SFI1: variants seen among roughly 807,000 people sequenced by gnomAD.
SFI1 encodes protein SFI1 homolog.
Under a neutral mutation model 207.5 loss-of-function variants are expected in SFI1, and 195 were observed. The observed-to-expected ratio is 0.94, with a 90% CI of 0.84 to 1.06. SFI1 has a LOEUF of 1.06. SFI1 is among the 50% of genes least tolerant of loss of function. SFI1 has a pLI of 0.00. For missense variants in SFI1, 1,634 were observed against 1,588.0 expected, an observed-to-expected ratio of 1.03 and a Z score of -0.49; for synonymous variants, 630 against 598.9, an observed-to-expected ratio of 1.05 and a Z score of -0.76.
chr22:31,596,749 ACT>A (rs1205727664), intron 15 of SFI1, among the ~76,000 whole-genome samples: 5 of 142,548 alleles, frequency 3.5e-5, no homozygotes, highest in African/African-American at 1.3e-4. Flanking sequence ...GCACCACTGC[ACT>A]CCAGCCTAGG....
At chr22:31,604,787 T>A in intron 19 of SFI1, 82 bp from the exon 20 acceptor site, 1 of 1,282,678 alleles carries the variant, frequency 7.8e-7, no homozygotes. Flanking sequence ...GGCAGCCTTG[T>A]GGTAGATGCA....
At chr22:31,507,680 G>T (rs2054846054) in intron 1 of SFI1, among the ~76,000 whole-genome samples, 1 of 151,998 alleles carries the variant, frequency 6.6e-6, no homozygotes, top group African/African-American at 2.4e-5. Context: ...TAAGAAGTGG[G>T]CAAACAACAT....
At chr22:31,607,775 C>T in intron 21 of SFI1, 162 bp from the exon 22 acceptor site, 1 of 581,536 alleles carries the variant, frequency 1.7e-6, no homozygotes, top group Non-Finnish European at 3.1e-6. Context: ...TGTCCTATTG[C>T]TCAGTGGTCT....
chr22:31,612,450 C>T (rs1333213255), intron 24 of SFI1: 5 of 142,086 alleles, frequency 3.5e-5, no homozygotes. Context: ...GGCATGATGG[C>T]TCACGCCTAT....
chr22:31,514,140 CAAAAAAAA>C (rs113946302), intron 2 of SFI1, among the ~76,000 whole-genome samples: 23 of 82,728 alleles, frequency 2.8e-4, no homozygotes, highest in African/African-American at 8.8e-4. Flanking sequence ...AACTCCATCT[CAAAAAAAA>C]AAAAAAAAAA....
intron 2 of SFI1, among the ~76,000 whole-genome samples, chr22:31,523,209 C>G (rs2057486344): frequency 6.6e-6 from 1 of 152,152 alleles, no homozygotes. Flanking sequence ...TTATTTTCTC[C>G]TTCACATTCC....
intron 21 of SFI1, chr22:31,606,717 G>A (rs1325143624): frequency 8.9e-6 from 1 of 112,290 alleles, no homozygotes; most frequent in African/African-American, 8.7e-5. Context: ...TTTTTTTTTT[G>A]AGACAGTCTC....
chr22:31,502,274 A>G (rs1449319078), intron 1 of SFI1, among the ~76,000 whole-genome samples: 1 of 152,162 alleles, frequency 6.6e-6, no homozygotes, highest in African/African-American at 2.4e-5. Flanking sequence ...CTCCTTATAC[A>G]TCATTTTGCT....
chr22:31,616,487 A>T (rs149183346), intron 29 of SFI1: 67 of 417,698 alleles, frequency 1.6e-4, no homozygotes, highest in African/African-American at 1.3e-3. Context: ...CAGGCAGTGG[A>T]GGCGTGAGGC....
At chr22:31,540,836 C>G (rs2059416155) in intron 4 of SFI1, among the ~76,000 whole-genome samples, 4 of 152,136 alleles carry the variant, frequency 2.6e-5, no homozygotes, top group Admixed American at 2.6e-4. Flanking sequence ...ACCTTGGCCT[C>G]CCAAAGTGCT....
intron 2 of SFI1, among the ~76,000 whole-genome samples, chr22:31,518,367 A>G (rs2056800955): frequency 6.6e-6 from 1 of 152,142 alleles, no homozygotes; most frequent in Non-Finnish European, 1.5e-5. Flanking sequence ...TCTGTATTGT[A>G]CTGAGTTCTC....
chr22:31,578,671 CAGAG>C (rs2063773080), intron 11 of SFI1, among the ~76,000 whole-genome samples: 1 of 152,170 alleles, frequency 6.6e-6, no homozygotes, highest in Non-Finnish European at 1.5e-5. Flanking sequence ...AAAGGAACCT[CAGAG>C]ATTATTTAGT....
intron 4 of SFI1, among the ~76,000 whole-genome samples, chr22:31,541,907 C>T (rs2059540512): frequency 6.6e-6 from 1 of 151,514 alleles, no homozygotes; most frequent in Non-Finnish European, 1.5e-5. Context: ...TCAAGACCAT[C>T]CTGGCTAACA....
chr22:31,576,663 G>C (rs2145959864), intron 10 of SFI1, among the ~76,000 whole-genome samples: 1 of 149,624 alleles, frequency 6.7e-6, no homozygotes, highest in East Asian at 2.0e-4. Context: ...TTTTGAGATG[G>C]AGTTTCGCTC....
At chr22:31,594,066 C>T (rs1569422183) in intron 15 of SFI1, among the ~76,000 whole-genome samples, 1 of 151,836 alleles carries the variant, frequency 6.6e-6, no homozygotes. Flanking sequence ...TCAAAACAGC[C>T]TGTTTGTAAC....
chr22:31,549,952 CAG>C (rs1555991556), intron 5 of SFI1, among the ~76,000 whole-genome samples: 1 of 151,530 alleles, frequency 6.6e-6, no homozygotes, highest in African/African-American at 2.4e-5. Flanking sequence ...TTTCTTGAGA[CAG>C]AGTCTTGCTC....
intron 1 of SFI1, among the ~76,000 whole-genome samples, chr22:31,505,473 A>T (rs1174320793): frequency 2.0e-5 from 3 of 151,220 alleles, no homozygotes; most frequent in African/African-American, 7.3e-5. Context: ...AATGAAAACT[A>T]GGCAAGGTGC....
Position 31,561,514 on chromosome 22 carries a change from A to C in SFI1, c.765+122A>C, listed in dbSNP as rs879020160. 3.8e-5 allele frequency: 29 copies of C among 762,728 alleles called. No individual in the cohort carries two copies. In the South Asian group the frequency reaches 4.8e-4, roughly 13 times the overall value. 47.2% of individuals were successfully genotyped at this position (762,728 alleles called of 1,614,324 possible). A position where few individuals can be genotyped will look rare whatever the true frequency, so the allele number is the denominator to read the frequency against. Reference sequence around the variant, plus strand: ...CCTGAGAGGGGGTGGGGACAGAGGTAATCTGGAAGGCTGGGCTCTTCCAGA... The same window carrying C: ...CCTGAGAGGGGGTGGGGACAGAGGTCATCTGGAAGGCTGGGCTCTTCCAGA... On this transcript the variant is annotated intron_variant, in intron 8 of 32. Coordinates refer to ENST00000400288, the MANE Select transcript of SFI1 (RefSeq NM_001007467.3).
At chr22:31,573,285 A>G (rs2063137948) in intron 9 of SFI1, 71 bp downstream of exon 9, 1 of 1,547,490 alleles carries the variant, frequency 6.5e-7, no homozygotes, top group South Asian at 1.2e-5. Flanking sequence ...TGCCAGTGGT[A>G]CTGTACTAAG....
Sources: allele counts gnomAD v4.1 joint callset (sites outside exome capture counted in the v4.1 genomes callset), GRCh38; gene constraint gnomAD v4.1.1; transcripts MANE v1.5; gene names NCBI Gene and HGNC (gene_info 2026-07-23, HGNC 2026-07-21).